Variants in FOXP1 observed in about 807,000 individuals in gnomAD.
FOXP1 encodes the protein forkhead box P1, also known as forkhead box protein P1.
FOXP1 carries 15 observed loss-of-function variants against 98.2 expected under a neutral mutation model. The observed-to-expected ratio is 0.15, with a 90% CI of 0.10 to 0.24. The LOEUF (loss-of-function observed/expected upper bound fraction) is 0.24, where lower values mean the gene tolerates loss of function less well. FOXP1 is among the 10% of genes least tolerant of loss of function. The pLI, the probability that FOXP1 is intolerant of heterozygous loss-of-function variation, is 1.00. For synonymous variants in FOXP1, 371 were observed against 314.5 expected (o/e 1.18, Z -1.90); for missense variants, 633 against 848.5 (o/e 0.75, Z 3.15).
intron 8 of FOXP1, 124 bp downstream of exon 8, chr3:71,053,512 C>T (rs771268635): frequency 3.4e-6 from 4 of 1,178,542 alleles, no homozygotes; most frequent in Non-Finnish European, 5.0e-6. Flanking sequence ...TCCTGCCCCA[C>T]CCACGCTGCT....
chr3:71,391,991 G>GT (rs2108128691), intron 3 of FOXP1, among the ~76,000 whole-genome samples: 1 of 152,284 alleles, frequency 6.6e-6, no homozygotes, highest in East Asian at 1.9e-4. Context: ...TTAATTCAGA[G>GT]TGAAAAATCT....
intron 7 of FOXP1, among the ~76,000 whole-genome samples, chr3:71,071,659 C>T (rs1345139701): frequency 2.0e-5 from 3 of 152,108 alleles, no homozygotes; most frequent in Non-Finnish European, 4.4e-5. Flanking sequence ...CTGCAACCTC[C>T]GCCCCCTGTG....
intron 4 of FOXP1, chr3:71,332,540 C>A (rs1226522065): frequency 1.3e-5 from 2 of 153,716 alleles, no homozygotes; most frequent in African/African-American, 4.8e-5. Context: ...TTGAGACTAG[C>A]CTGGCCAAAA....
intron 3 of FOXP1, among the ~76,000 whole-genome samples, chr3:71,372,617 T>C (rs927169387): frequency 6.6e-6 from 1 of 152,188 alleles, no homozygotes; most frequent in Non-Finnish European, 1.5e-5. Flanking sequence ...CCTCCTGCCA[T>C]CTACAGCACA....
At chr3:71,474,205 G>T (rs1394192385) in intron 3 of FOXP1, among the ~76,000 whole-genome samples, 2 of 152,086 alleles carry the variant, frequency 1.3e-5, no homozygotes, top group South Asian at 2.1e-4. Flanking sequence ...TGTGGCTTAA[G>T]CATAGTATAA....
chr3:71,162,417 T>C (rs1036389942), intron 6 of FOXP1, among the ~76,000 whole-genome samples: 1 of 152,210 alleles, frequency 6.6e-6, no homozygotes. Flanking sequence ...ATTGTCCATA[T>C]GATCCTTTTA....
chr3:71,058,357 TTTCA>T (rs1262814530), intron 7 of FOXP1, among the ~76,000 whole-genome samples: 1 of 152,166 alleles, frequency 6.6e-6, no homozygotes, highest in Non-Finnish European at 1.5e-5. Flanking sequence ...CTAAACACTG[TTTCA>T]TTTTTATTAA....
At chr3:71,455,474 C>T (rs1477775127) in intron 3 of FOXP1, among the ~76,000 whole-genome samples, 1 of 152,154 alleles carries the variant, frequency 6.6e-6, no homozygotes, top group East Asian at 1.9e-4. Context: ...GAAACTAGCT[C>T]TCAAAGGGGT....
In FOXP1 at chr3:71,198,220, G is replaced by A. The variant is rs1029063747; in HGVS notation, c.162C>T (p.Ala54=). Residue 54 remains alanine (A), a synonymous_variant, in exon 6 of 21, where the codon GCC becomes GCT. Coordinates refer to ENST00000649528, the MANE Select transcript of FOXP1 (RefSeq NM_001349338.3). ...VDIGAADLAH[A]QQQQQQALQV... Reference sequence around the variant, plus strand: ...CCAGTACCTGTTGCTGCTGCTGCTGGGCGTGGGCGAGGTCAGCTGCCCCGA... The same window carrying A: ...CCAGTACCTGTTGCTGCTGCTGCTGAGCGTGGGCGAGGTCAGCTGCCCCGA... 4 of 1,613,944 alleles carry A rather than the reference G, an allele frequency of 2.5e-6. No homozygotes were observed. The highest frequency in any genetic ancestry group is 2.7e-5 in the African/African-American group (2 of 74,924).
At chr3:71,206,996 G>A (rs991908949) in intron 5 of FOXP1, among the ~76,000 whole-genome samples, 3 of 152,176 alleles carry the variant, frequency 2.0e-5, no homozygotes, top group Admixed American at 6.5e-5. Context: ...ATTAAATAGA[G>A]ACTGAAAAGG....
intron 5 of FOXP1, among the ~76,000 whole-genome samples, chr3:71,218,952 C>G (rs1390366763): frequency 1.3e-5 from 2 of 152,158 alleles, no homozygotes; most frequent in Non-Finnish European, 2.9e-5. Context: ...ACTTTGATGT[C>G]CTAAAAGAGC....
intron 2 of FOXP1, among the ~76,000 whole-genome samples, chr3:71,544,937 T>A (rs1456421663): frequency 6.6e-6 from 1 of 152,084 alleles, no homozygotes; most frequent in Non-Finnish European, 1.5e-5. Context: ...CAATTCTGTA[T>A]CTAGAGACAT....
chr3:71,423,826 G>T (rs2083864854), intron 3 of FOXP1, among the ~76,000 whole-genome samples: 1 of 152,192 alleles, frequency 6.6e-6, no homozygotes, highest in African/African-American at 2.4e-5. Context: ...AGCTGAGCCT[G>T]AGACATCTTC....
At chr3:71,192,101 G>A (rs904003207) in intron 6 of FOXP1, among the ~76,000 whole-genome samples, 17 of 152,080 alleles carry the variant, frequency 1.1e-4, no homozygotes, top group Non-Finnish European at 2.2e-4. Context: ...TCCCCTTCTA[G>A]GACACAGAGG....
chr3:71,460,185 T>G (rs536921431), intron 3 of FOXP1, among the ~76,000 whole-genome samples: 56 of 151,926 alleles, frequency 3.7e-4, no homozygotes, highest in Admixed American at 8.5e-4. Context: ...TCGTCCATCT[T>G]CTTGATATTA....
chr3:71,052,049 A>C lies in FOXP1; in HGVS notation c.510+488T>G, dbSNP rs142447099. Among the ~76,000 whole-genome samples, 455 of 152,356 alleles carry C rather than the reference A, an allele frequency of 3.0e-3. 2 individuals carry two copies. The highest frequency in any genetic ancestry group is 5.7e-3 in the Non-Finnish European group (388 of 68,034). ...TATGTACAACTTGCAGGAAGAAGTT[A>C]AACAAAAGATGTGGATGTTTAATCT... On this transcript the variant is annotated intron_variant, in intron 9 of 20. Coordinates refer to ENST00000649528, the MANE Select transcript of FOXP1 (RefSeq NM_001349338.3).
At chr3:71,219,893 T>C (rs939844) in intron 5 of FOXP1, among the ~76,000 whole-genome samples, 11,926 of 152,108 alleles carry the variant, frequency 0.078, 1,528 homozygotes, top group African/African-American at 0.27. Context: ...TTCCACCCTA[T>C]CTATCTACAC....
chr3:71,210,888 G>A (rs2064405873), intron 5 of FOXP1: 1 of 152,288 alleles, frequency 6.6e-6, no homozygotes, highest in African/African-American at 2.4e-5. Context: ...GTTCTCCTGA[G>A]CTTCAGTTTT....
rs554102019 is a variant in FOXP1, at chr3:71,280,316, A to G, written c.-12+19504T>C. 5.3e-5 allele frequency among the ~76,000 whole-genome samples: 6 copies of G among 113,916 alleles called. No homozygotes were observed. In the South Asian group the frequency reaches 7.9e-4, roughly 15 times the overall value. 74.7% of individuals were successfully genotyped at this position (113,916 alleles called of 152,430 possible). On this transcript the variant is annotated intron_variant, in intron 5 of 20. Transcript: ENST00000649528. ...CACCCAAAATTATCCGGTATTTTAC[A>G]ATATCTTTTTTTTTTATTTTTTGAG...
Sources: allele counts gnomAD v4.1 joint callset (sites outside exome capture counted in the v4.1 genomes callset), GRCh38; gene constraint gnomAD v4.1.1; transcripts MANE v1.5; gene names NCBI Gene and HGNC (gene_info 2026-07-23, HGNC 2026-07-21).